TBC1D5: variants seen among roughly 807,000 people sequenced by gnomAD.
TBC1D5 encodes TBC1 domain family, member 5.
A neutral mutation model predicts 100.3 loss-of-function variants in TBC1D5; 75 were observed. That is an observed-to-expected ratio of 0.75 (90% CI 0.62 to 0.91). TBC1D5 has a LOEUF of 0.91. TBC1D5 is among the 40% of genes least tolerant of loss of function. The pLI is 0.00. For missense variants in TBC1D5, 910 were observed against 942.4 expected (o/e 0.97, Z 0.45); for synonymous variants, 323 against 325.6 (o/e 0.99, Z 0.09).
At chr3:17,637,180 C>T (rs1448821592) in intron 1 of TBC1D5, among the ~76,000 whole-genome samples, 1 of 144,142 alleles carries the variant, frequency 6.9e-6, no homozygotes, top group South Asian at 2.2e-4. Context: ...TGCCACCATG[C>T]CCGACTAATT....
chr3:17,244,076 A>G lies in TBC1D5; in HGVS notation c.1332-5657T>C, dbSNP rs543488734. Among the ~76,000 whole-genome samples the G allele has an allele frequency of 1.7e-4, 26 of 151,992 alleles. 1 individual carries two copies. The highest frequency in any genetic ancestry group is 9.8e-4 in the Admixed American group (15 of 15,288). On this transcript the variant is annotated intron_variant, in intron 16 of 21. Coordinates refer to ENST00000253692, the Ensembl canonical transcript of TBC1D5. ...TGGCTTAGAAATGAGATGAGTTACA[A>G]AAGTTAAAAAAGTGAGTTACAAAAG...
Position 17,513,512 on chromosome 3 carries a change from T to C in TBC1D5, c.-35-4907A>G, listed in dbSNP as rs1476546735. 2.6e-5 allele frequency among the ~76,000 whole-genome samples: 4 copies of C among 152,286 alleles called. No individual in the cohort carries two copies. In the East Asian group the frequency reaches 7.7e-4, roughly 29 times the overall value. ...TGTCTGAATACAAAATTCTATATAT[T>C]TCAGCTTATATTCTCTCCTTAACTG... is the stretch of plus-strand genomic sequence containing the variant. On this transcript the variant is annotated intron_variant, in intron 2 of 21. Coordinates refer to ENST00000253692, the Ensembl canonical transcript of TBC1D5.
At chr3:17,384,617 C>T (rs1319622073) in intron 8 of TBC1D5, among the ~76,000 whole-genome samples, 2 of 151,878 alleles carry the variant, frequency 1.3e-5, no homozygotes, top group Admixed American at 6.6e-5. Context: ...TAGTAGTCAA[C>T]TGGGTTTAAT....
rs545209127 is a variant in TBC1D5 at position 17,683,321 on chromosome 3, T to G, written c.-101+56022A>C. On this transcript the variant is annotated intron_variant, in intron 1 of 21. Coordinates refer to ENST00000253692, the Ensembl canonical transcript of TBC1D5. ...AATTAAATTTTACCTAATAGAGCCC[T>G]GGAAATGGCCTTGGGCTTAAGAGTC... 3.0e-4 allele frequency among the ~76,000 whole-genome samples: 45 copies of G among 151,444 alleles called. 4 individuals carry two copies. Among genetic ancestry groups the G allele is most frequent in the African/African-American group, 1.0e-3 (41 of 40,808 alleles).
chr3:17,687,193 T>C (rs1475825999), intron 1 of TBC1D5, among the ~76,000 whole-genome samples: 1 of 152,146 alleles, frequency 6.6e-6, no homozygotes, highest in Non-Finnish European at 1.5e-5. Context: ...ATGATTACCT[T>C]TCTTAGAATC....
intron 13 of TBC1D5, among the ~76,000 whole-genome samples, chr3:17,340,294 A>G (rs565884942): frequency 9.9e-5 from 15 of 152,248 alleles, no homozygotes; most frequent in African/African-American, 3.6e-4. Flanking sequence ...TCACAAGGAG[A>G]GACAATAAAA....
At chr3:17,637,568 C>A (rs2064082072) in intron 1 of TBC1D5, among the ~76,000 whole-genome samples, 1 of 151,656 alleles carries the variant, frequency 6.6e-6, no homozygotes, top group African/African-American at 2.4e-5. Flanking sequence ...AGACTTTCTA[C>A]ACACTAATAC....
At chr3:17,531,956 A>G (rs1234220168) in intron 2 of TBC1D5, among the ~76,000 whole-genome samples, 1 of 152,214 alleles carries the variant, frequency 6.6e-6, no homozygotes, top group Non-Finnish European at 1.5e-5. Flanking sequence ...CACCAAAAGC[A>G]ATGGCAACAA....
At chr3:17,455,344 ATAT>A (rs1378707960) in intron 3 of TBC1D5, among the ~76,000 whole-genome samples, 49 of 130,494 alleles carry the variant, frequency 3.8e-4, no homozygotes, top group African/African-American at 1.7e-3. Flanking sequence ...GTATATGTAT[ATAT>A]GTATATGTAT....
intron 4 of TBC1D5, among the ~76,000 whole-genome samples, chr3:17,423,251 T>C (rs2094258255): frequency 6.6e-6 from 1 of 152,070 alleles, no homozygotes; most frequent in Non-Finnish European, 1.5e-5. Flanking sequence ...CAATAAAAGC[T>C]CTTTTCAAAT....
intron 2 of TBC1D5, chr3:17,586,494 G>C (rs2096733912): frequency 6.6e-6 from 1 of 151,952 alleles, no homozygotes; most frequent in Non-Finnish European, 1.5e-5. Context: ...AATTGAAGAG[G>C]AATCAAGAAA....
At chr3:17,688,696 C>G (rs568270752) in intron 1 of TBC1D5, among the ~76,000 whole-genome samples, 7 of 152,210 alleles carry the variant, frequency 4.6e-5, no homozygotes, top group Non-Finnish European at 7.3e-5. Flanking sequence ...CAGCTTTGCA[C>G]AAGTCACTCC....
At chr3:17,423,516 T>A (rs1319309352) in intron 4 of TBC1D5, among the ~76,000 whole-genome samples, 1 of 152,146 alleles carries the variant, frequency 6.6e-6, no homozygotes, top group Non-Finnish European at 1.5e-5. Flanking sequence ...CTTCAGCTTA[T>A]TGGCTATGAC....
At chr3:17,685,234 T>C (rs1331251147) in intron 1 of TBC1D5, among the ~76,000 whole-genome samples, 3 of 151,996 alleles carry the variant, frequency 2.0e-5, no homozygotes, top group Non-Finnish European at 4.4e-5. Flanking sequence ...GCAATGACTA[T>C]ACTTTTGCCT....
intron 3 of TBC1D5, among the ~76,000 whole-genome samples, chr3:17,471,377 TTAAA>T (rs1328558998): frequency 2.6e-5 from 4 of 152,314 alleles, no homozygotes; most frequent in South Asian, 4.1e-4. Context: ...CTTATTATGC[TTAAA>T]TAATTTTTAA....
At chr3:17,676,073 T>C (rs2068587831) in intron 1 of TBC1D5, among the ~76,000 whole-genome samples, 1 of 152,150 alleles carries the variant, frequency 6.6e-6, no homozygotes, top group African/African-American at 2.4e-5. Context: ...TTAGCTTTAA[T>C]ATAAAGACAT....
At chr3:17,659,540 T>C (rs535798823) in intron 1 of TBC1D5, among the ~76,000 whole-genome samples, 68 of 152,252 alleles carry the variant, frequency 4.5e-4, no homozygotes, top group African/African-American at 1.5e-3. Flanking sequence ...TTAAAACTAC[T>C]TTGAATCAAT....
At chr3:17,592,301 T>C (rs565147173) in intron 2 of TBC1D5, among the ~76,000 whole-genome samples, 15 of 152,344 alleles carry the variant, frequency 9.8e-5, no homozygotes, top group South Asian at 2.1e-4. Context: ...TTATGCTCAC[T>C]GGATCCAGCG....
intron 16 of TBC1D5, among the ~76,000 whole-genome samples, chr3:17,249,963 T>C (rs2077051611): frequency 6.6e-6 from 1 of 152,144 alleles, no homozygotes; most frequent in African/African-American, 2.4e-5. Context: ...ACATATGAAA[T>C]AGTGCTAGAA....
Sources: allele counts gnomAD v4.1 joint callset (sites outside exome capture counted in the v4.1 genomes callset), GRCh38; gene constraint gnomAD v4.1.1; transcripts MANE v1.5; gene names NCBI Gene and HGNC (gene_info 2026-07-23, HGNC 2026-07-21).